Variants in KCP observed in about 807,000 individuals in gnomAD.
The protein encoded by KCP is kielin cysteine rich BMP regulator, also known as kielin/chordin-like protein.
Under a neutral mutation model 212.7 loss-of-function variants are expected in KCP, and 194 were observed. The ratio of observed to expected loss-of-function variants is 0.91; its 90% confidence interval spans 0.81 to 1.03. The LOEUF (loss-of-function observed/expected upper bound fraction) is 1.03. Among genes scored for constraint, KCP ranks in the 50% least tolerant of loss-of-function variants. The probability of loss-of-function intolerance (pLI) is 0.00; values close to 1 mark genes in which losing one functional copy is unlikely to be tolerated. For missense variants in KCP, 2,080 were observed against 2,162.5 expected (o/e 0.96, Z 0.76); for synonymous variants, 833 against 865.3 (o/e 0.96, Z 0.65).
intron 28 of KCP, 84 bp downstream of exon 28, chr7:128,884,697 T>C: frequency 7.8e-7 from 1 of 1,279,960 alleles, no homozygotes; most frequent in Non-Finnish European, 1.1e-6. Context: ...CTCCATGCAG[T>C]GACCAGCTTG....
chr7:128,901,798 C>T (rs1267614231), intron 8 of KCP, among the ~76,000 whole-genome samples: 1 of 152,192 alleles, frequency 6.6e-6, no homozygotes, highest in African/African-American at 2.4e-5. Context: ...CCTTAGTCCT[C>T]AGCAAGCTGT....
chr7:128,893,982 G>T lies in KCP; in HGVS notation c.999C>A (p.Arg333=). 1 of 1,550,116 alleles carries T rather than the reference G, an allele frequency of 6.5e-7. No individual in the cohort carries two copies. The highest frequency in any genetic ancestry group is 2.0e-5 in the Admixed American group (1 of 50,992). ...VGSGDPCSHC[R]CANGSVQCEP... Reference sequence around the variant, plus strand: ...GCCAGGCAGCCACACTCACAGCACAGCGGCAGTGCGAGCAGGGGTCCCCTG... The same window carrying T: ...GCCAGGCAGCCACACTCACAGCACATCGGCAGTGCGAGCAGGGGTCCCCTG... Residue 333 remains arginine, a synonymous_variant, in exon 10 of 40, where the codon CGC becomes CGA. Coordinates refer to ENST00000610776, the MANE Select transcript of KCP (RefSeq NM_001366122.1).
In KCP at chr7:128,893,542, T is replaced by A. The variant is rs1014974760; in HGVS notation, c.1100-66A>T. On this transcript the variant is annotated intron_variant, in intron 11 of 39. Coordinates refer to ENST00000610776, the MANE Select transcript of KCP (RefSeq NM_001366122.1). ...GCAGAGGGGAAGCTTCACGTCACCCTGAGGTGTCCAACCCCCACCCTGACA... is the reference window on the plus strand; with the variant it reads ...GCAGAGGGGAAGCTTCACGTCACCCAGAGGTGTCCAACCCCCACCCTGACA... 1.6e-5 allele frequency: 20 copies of A among 1,261,214 alleles called. No homozygotes were observed. The East Asian group carries it at 5.1e-4, about 32-fold the overall frequency. The allele number at this position is 1,261,214 out of a possible 1,614,324, so 78.1% of individuals were successfully genotyped here.
chr7:128,879,365 G>C lies in KCP; in HGVS notation c.4146+157C>G, dbSNP rs528667648. 4.2e-4 allele frequency: 257 copies of C among 616,628 alleles called. No individual in the cohort carries two copies. The African/African-American group carries it at 4.2e-3, about 10-fold the overall frequency. The allele number at this position is 616,628 out of a possible 1,614,324, so 38.2% of individuals were successfully genotyped here. A position where few individuals can be genotyped will look rare whatever the true frequency, so the allele number is the denominator to read the frequency against. On this transcript the variant is annotated intron_variant, in intron 37 of 39. Coordinates refer to ENST00000610776, the MANE Select transcript of KCP (RefSeq NM_001366122.1). ...CCTCTGACTGCCTGGGGAGATCTCTGACCCTGATCCACCTCCCCTCACACC... is the reference window on the plus strand; with the variant it reads ...CCTCTGACTGCCTGGGGAGATCTCTCACCCTGATCCACCTCCCCTCACACC...
At chr7:128,893,599 C>A in intron 11 of KCP, 123 bp from the exon 12 acceptor site, 1 of 974,674 alleles carries the variant, frequency 1.0e-6, no homozygotes, top group Non-Finnish European at 1.5e-6. Flanking sequence ...CCAGGGCGCC[C>A]TGCCAGCAGC....
chr7:128,884,676 C>A, intron 28 of KCP, 105 bp downstream of exon 28: 1 of 1,058,110 alleles, frequency 9.5e-7, no homozygotes, highest in Non-Finnish European at 1.4e-6. Context: ...CTTTGGCCCC[C>A]AGAGTGCCTG....
Position 128,893,820 on chromosome 7 carries a change from C to A in KCP, c.1085G>T (p.Cys362Phe). The change falls in exon 11 of 40, where the codon TGC becomes TTC. Residue 362 changes from cysteine (C) to phenylalanine (F), a missense_variant. Physicochemically the swap from Cys to Phe is radical, Grantham distance 205. Coordinates refer to ENST00000610776, the MANE Select transcript of KCP (RefSeq NM_001366122.1). ...CCCCCACTCACCATCGCAGACAGGG[C>A]AGCACTGCCCAGGGATCTTGCCTGG... ...RHPGKIPGQC[C>F]PVCDGCEYQG... The A allele has an allele frequency of 1.3e-6, 2 of 1,551,016 alleles. No individual in the cohort carries two copies. Among genetic ancestry groups the A allele is most frequent in the Non-Finnish European group, 1.7e-6 (2 of 1,146,970 alleles).
At chr7:128,899,659 A>G (rs1263691933) in intron 8 of KCP, among the ~76,000 whole-genome samples, 1 of 152,156 alleles carries the variant, frequency 6.6e-6, no homozygotes, top group Admixed American at 6.5e-5. Flanking sequence ...ATTGGAGCAT[A>G]TTTATTTCTC....
At chr7:128,889,333 C>T (rs1793941445) in intron 21 of KCP, among the ~76,000 whole-genome samples, 1 of 152,190 alleles carries the variant, frequency 6.6e-6, no homozygotes, top group African/African-American at 2.4e-5. Flanking sequence ...CTCAGCAGGC[C>T]ATTGCCAGAG....
chr7:128,878,816 G>T, intron 37 of KCP, 94 bp from the exon 38 acceptor site: 1 of 1,264,262 alleles, frequency 7.9e-7, no homozygotes, highest in Non-Finnish European at 1.1e-6. Context: ...TGTTCAGTGC[G>T]GCCAGTGCTG....
chr7:128,887,379 CT>C, intron 22 of KCP, 79 bp from the exon 23 acceptor site: 1 of 1,086,956 alleles, frequency 9.2e-7, no homozygotes, highest in Middle Eastern at 2.9e-4. Flanking sequence ...GCCCCTCCCC[CT>C]CCACACATAC....
In KCP at chr7:128,877,767, G is replaced by A. The variant is rs1156755859; in HGVS notation, c.4335C>T (p.Gly1445=). ...SWQVSEGLWP[G]RPCSAGREVD... is the part of the protein sequence containing the mutation. ...CCTCTCGGCCTGCAGAACAGGGCCG[G>A]CCAGGCCACAGCCCCTCTGAGACCT... The change falls in exon 39 of 40, where the codon GGC becomes GGT. Residue 1445 remains glycine, a synonymous_variant. Transcript: ENST00000610776. 4 of 1,549,554 alleles carry A rather than the reference G, an allele frequency of 2.6e-6. No individual in the cohort carries two copies. Among genetic ancestry groups the A allele is most frequent in the Admixed American group, 3.9e-5 (2 of 50,964 alleles).
In KCP at chr7:128,893,799, C is replaced by G; in HGVS notation, c.1099+7G>C. 3.2e-6 allele frequency: 5 copies of G among 1,549,798 alleles called. No homozygotes were observed. Among genetic ancestry groups the G allele is most frequent in the Non-Finnish European group, 4.4e-6 (5 of 1,146,542 alleles). On this transcript the variant is annotated splice_region_variant and intron_variant, in intron 11 of 39. Transcript: ENST00000610776. ...CCCCTCCCGCAGAGACCCCGGCCCC[C>G]ACTCACCATCGCAGACAGGGCAGCA...
intron 8 of KCP, among the ~76,000 whole-genome samples, chr7:128,902,522 G>A (rs553518521): frequency 2.1e-4 from 32 of 152,232 alleles, no homozygotes; most frequent in African/African-American, 7.0e-4. Context: ...TATCCTGCCC[G>A]GTCTCCTTCT....
Position 128,890,952 on chromosome 7 carries a change from G to A in KCP, c.2117C>T (p.Ala706Val). ...CCCCTGGCGCGGGTGCGCGCAGGGCGCGGGCGGGCAGGGCAGCCGCTGGCA... is the reference window on the plus strand; with the variant it reads ...CCCCTGGCGCGGGTGCGCGCAGGGCACGGGCGGGCAGGGCAGCCGCTGGCA... ...VSCQRLPCPP[A>V]PCAHPRQGPC... The change falls in exon 20 of 40, where the codon GCG becomes GTG. Residue 706 changes from alanine to valine, a missense_variant. Ala to Val is a moderately conservative substitution (Grantham distance 64). Coordinates refer to ENST00000610776, the MANE Select transcript of KCP (RefSeq NM_001366122.1). 6 of 1,255,480 alleles carry A rather than the reference G, an allele frequency of 4.8e-6. No individual in the cohort carries two copies. Among genetic ancestry groups the A allele is most frequent in the South Asian group, 7.0e-5 (2 of 28,640 alleles). The allele number at this position is 1,255,480 out of a possible 1,614,324, so 77.8% of individuals were successfully genotyped here.
At chr7:128,899,877 T>TCCTTAAG in intron 8 of KCP, among the ~76,000 whole-genome samples, 1 of 130,750 alleles carries the variant, frequency 7.6e-6, no homozygotes, top group African/African-American at 4.4e-5. Context: ...GAATCAAATT[T>TCCTTAAG]GACTTGTAGA....
Position 128,886,933 on chromosome 7 carries a change from G to T in KCP, c.2632C>A (p.Pro878Thr). 2 of 1,520,484 alleles carry T rather than the reference G, an allele frequency of 1.3e-6. No homozygotes were observed. The highest frequency in any genetic ancestry group is 1.8e-6 in the Non-Finnish European group (2 of 1,124,716). The allele number at this position is 1,520,484 out of a possible 1,614,324, so 94.2% of individuals were successfully genotyped here. ...GAGGGGTGGGGGCAGAGAGCTGGGG[G>T]ACATGGCTTCTTCTGGCAGCGCATG... Reference protein sequence around the residue: ...GSMRCQKKPCPPALCPHPSPG... With the variant: ...GSMRCQKKPCTPALCPHPSPG... The change falls in exon 24 of 40, where the codon CCC becomes ACC. Residue 878 changes from proline (P) to threonine (T), a missense_variant. Pro to Thr is a conservative substitution (Grantham distance 38). Coordinates refer to ENST00000610776, the MANE Select transcript of KCP (RefSeq NM_001366122.1).
In KCP at chr7:128,884,056, G is replaced by T. The variant is rs767482955; in HGVS notation, c.3190C>A (p.Pro1064Thr). The change falls in exon 29 of 40, where the codon CCC (proline) becomes ACC (threonine). Residue 1064 changes from proline to threonine, a missense_variant. Pro to Thr is a conservative substitution (Grantham distance 38). Coordinates refer to ENST00000610776, the MANE Select transcript of KCP (RefSeq NM_001366122.1). ...RRQCPSLVGC[P>T]PSQLLPPGPQ... Reference sequence around the variant, plus strand: ...CCAGGGGGCAGGAGCTGGCTGGGGGGGCAGCCCACCAGGCTGGGACACTGC... The same window carrying T: ...CCAGGGGGCAGGAGCTGGCTGGGGGTGCAGCCCACCAGGCTGGGACACTGC... 5 of 1,545,438 alleles carry T rather than the reference G, an allele frequency of 3.2e-6. No homozygotes were observed. Among genetic ancestry groups the T allele is most frequent in the Non-Finnish European group, 4.4e-6 (5 of 1,145,246 alleles).
In KCP at chr7:128,891,537, G is replaced by T; in HGVS notation, c.1796-4C>A. ...TCTTTCCCGCCAAAGGCACAGCCTG[G>T]GGGAGGGAGGGGCTATAGCCTGGGA... On this transcript the variant is annotated splice_polypyrimidine_tract_variant and splice_region_variant and intron_variant, in intron 17 of 39. Transcript: ENST00000610776. The T allele has an allele frequency of 3.2e-6, 5 of 1,547,278 alleles. No individual in the cohort carries two copies. Among genetic ancestry groups the T allele is most frequent in the Non-Finnish European group, 4.4e-6 (5 of 1,144,656 alleles).
Sources: gnomAD v4.1 joint callset for allele counts (sites outside exome capture counted in the v4.1 genomes callset) on GRCh38, gnomAD v4.1.1 for gene constraint, MANE v1.5 for transcripts, NCBI Gene and HGNC (gene_info 2026-07-23, HGNC 2026-07-21) for gene names.